Variants in POLK observed in about 807,000 individuals in gnomAD.
POLK encodes DNA polymerase kappa, also known as polymerase (DNA directed) kappa.
Under a neutral mutation model 94.0 loss-of-function variants are expected in POLK, and 76 were observed. The ratio of observed to expected loss-of-function variants is 0.81; its 90% CI spans 0.67 to 0.98. The LOEUF is 0.98. Among genes scored for constraint, POLK ranks in the 50% least tolerant of loss-of-function variants. The probability of loss-of-function intolerance (pLI) is 0.00; values close to 1 mark genes in which losing one functional copy is unlikely to be tolerated. For missense variants in POLK, 954 were observed against 1,010.1 expected (o/e 0.94, Z 0.75); for synonymous variants, 349 against 325.4 (o/e 1.07, Z -0.78).
At chr5:75,519,513 C>T (rs1768471688) in intron 1 of POLK, among the ~76,000 whole-genome samples, 2 of 152,148 alleles carry the variant, frequency 1.3e-5, no homozygotes, top group African/African-American at 4.8e-5. Context: ...TGCACTCTAT[C>T]TCTCCCTTTA....
intron 6 of POLK, among the ~76,000 whole-genome samples, chr5:75,579,585 T>C (rs1242831037): frequency 6.6e-6 from 1 of 151,776 alleles, no homozygotes; most frequent in African/African-American, 2.4e-5. Context: ...CTCGAACTCC[T>C]GACCTCAGGT....
chr5:75,518,077 T>G (rs988312315), intron 1 of POLK, among the ~76,000 whole-genome samples: 7 of 152,210 alleles, frequency 4.6e-5, no homozygotes, highest in African/African-American at 1.7e-4. Flanking sequence ...AATATTGGCC[T>G]GTAGTTTTCT....
chr5:75,602,468 T>G (rs1025493215), downstream of POLK, among the ~76,000 whole-genome samples: 2 of 152,152 alleles, frequency 1.3e-5, no homozygotes, highest in Admixed American at 1.3e-4. Context: ...TGAAGACACC[T>G]CTCTTTGAAA....
At chr5:75,528,626 A>G (rs1248009681) in intron 1 of POLK, among the ~76,000 whole-genome samples, 1 of 151,862 alleles carries the variant, frequency 6.6e-6, no homozygotes. Context: ...AGTTTGGGCA[A>G]CATAGCAAGA....
chr5:75,518,871 G>A (rs1002376235), intron 1 of POLK, among the ~76,000 whole-genome samples: 10 of 152,210 alleles, frequency 6.6e-5, no homozygotes, highest in South Asian at 2.1e-4. Context: ...TAGAGACAGC[G>A]TCTCACTTTG....
At chr5:75,528,762 G>T (rs1471520001) in intron 1 of POLK, among the ~76,000 whole-genome samples, 1 of 152,196 alleles carries the variant, frequency 6.6e-6, no homozygotes, top group African/African-American at 2.4e-5. Flanking sequence ...AGTGAGCTAT[G>T]ATTGTGCTGC....
exon 15 of POLK, chr5:75,599,581 G>T (rs1442565805): frequency 6.6e-6 from 1 of 152,046 alleles, no homozygotes; most frequent in East Asian, 1.9e-4. Context: ...GTTCTTGATG[G>T]TGTGATTTAC....
At chr5:75,609,030 T>C in the POLK span, 1 of 152,248 alleles carries the variant, frequency 6.6e-6, no homozygotes, top group Non-Finnish European at 1.5e-5. Context: ...AGTCCAGCTA[T>C]GGCTAAGTTT....
rs190297385 is a variant in POLK at position 75,573,719 on chromosome 5, G to T, written c.409-19G>T. 6 of 1,604,306 alleles carry T rather than the reference G, an allele frequency of 3.7e-6. No homozygotes were observed. In the African/African-American group the frequency reaches 8.0e-5, roughly 21 times the overall value. On this transcript the variant is annotated intron_variant, in intron 4 of 14. Coordinates refer to ENST00000241436, the Ensembl canonical transcript of POLK. ...TTTAGGTTTGTGTATTTTTTTCCAT[G>T]TGGTCAATTTTCTTTCAGTCTACTT...
chr5:75,570,580 A>G (rs1771538527), intron 4 of POLK, among the ~76,000 whole-genome samples: 1 of 152,212 alleles, frequency 6.6e-6, no homozygotes, highest in Non-Finnish European at 1.5e-5. Flanking sequence ...TTTAGAATGC[A>G]GTTAAATTGT....
At chr5:75,542,329 C>G (rs1473078884) in intron 1 of POLK, among the ~76,000 whole-genome samples, 2 of 152,018 alleles carry the variant, frequency 1.3e-5, no homozygotes, top group East Asian at 3.9e-4. Flanking sequence ...CTCTCCCTCA[C>G]TCTCCCTTTC....
intron 3 of POLK, among the ~76,000 whole-genome samples, chr5:75,554,222 C>A (rs117074077): frequency 9.2e-5 from 14 of 152,048 alleles, no homozygotes; most frequent in African/African-American, 3.1e-4. Flanking sequence ...AATCCATTAC[C>A]ATGGAAGGAA....
chr5:75,597,056 C>T lies in POLK; in HGVS notation c.2363C>T (p.Thr788Ile), dbSNP rs181098391. The stretch of plus-strand genomic sequence containing the variant: ...CCTGTTTGTAACGTAGAACAAAAGA[C>T]TTCAGATCTAACCCTGTTCAATGTG... Residue 788 changes from threonine (T) to isoleucine (I), a missense_variant, in exon 13 of 15, where the codon ACT becomes ATT. Coordinates refer to ENST00000241436, the Ensembl canonical transcript of POLK. The T allele has an allele frequency of 1.2e-5, 20 of 1,613,308 alleles. No individual in the cohort carries two copies. In the Admixed American group the frequency reaches 2.2e-4, roughly 17 times the overall value.
At chr5:75,578,235 A>C (rs1277011141) in intron 6 of POLK, among the ~76,000 whole-genome samples, 1 of 152,130 alleles carries the variant, frequency 6.6e-6, no homozygotes, top group African/African-American at 2.4e-5. Context: ...AGCTCACTGC[A>C]ACCTCCGCCT....
At chr5:75,528,096 T>C (rs909869027) in intron 1 of POLK, among the ~76,000 whole-genome samples, 1 of 152,138 alleles carries the variant, frequency 6.6e-6, no homozygotes, top group Admixed American at 6.5e-5. Context: ...CATGGAAAAT[T>C]TCCCTTCATA....
At chr5:75,598,241 C>T (rs1460969608) in exon 15 of POLK, 8 of 261,984 alleles carry the variant, frequency 3.1e-5, no homozygotes, top group Non-Finnish European at 5.0e-5. Context: ...GGAAATCAAT[C>T]CTGTTAAGAG....
intron 2 of POLK, 68 bp from the exon 3 acceptor site, chr5:75,552,404 C>CTGT: frequency 7.0e-7 from 1 of 1,420,576 alleles, no homozygotes; most frequent in Non-Finnish European, 9.4e-7. Context: ...TCTTAGCCAC[C>CTGT]AGGTTATACT....
chr5:75,589,545 G>A (rs1772666590), intron 10 of POLK, among the ~76,000 whole-genome samples: 1 of 151,906 alleles, frequency 6.6e-6, no homozygotes, highest in Non-Finnish European at 1.5e-5. Flanking sequence ...CCGCCTCCTG[G>A]GTTCTCGCCA....
At chr5:75,585,561 C>A (rs1272565245) in intron 9 of POLK, among the ~76,000 whole-genome samples, 1 of 151,982 alleles carries the variant, frequency 6.6e-6, no homozygotes, top group East Asian at 1.9e-4. Flanking sequence ...GGCGGAGAGA[C>A]CTGAGGGAGC....
Sources: allele counts gnomAD v4.1 joint callset (sites outside exome capture counted in the v4.1 genomes callset), GRCh38; gene constraint gnomAD v4.1.1; transcripts MANE v1.5; gene names NCBI Gene and HGNC (gene_info 2026-07-23, HGNC 2026-07-21).